The following DNAH9 variants were observed in gnomAD, a reference collection of about 807,000 sequenced individuals.
DNAH9 encodes the protein DNAH9 variant protein.
A neutral mutation model predicts 471.6 loss-of-function variants in DNAH9; 345 were observed. The observed-to-expected ratio is 0.73, with a 90% CI of 0.67 to 0.80. The LOEUF (loss-of-function observed/expected upper bound fraction) is 0.80, where lower values mean the gene tolerates loss of function less well. DNAH9 is among the 30% of genes least tolerant of loss of function. The pLI, the probability that DNAH9 is intolerant of heterozygous loss-of-function variation, is 0.00. For synonymous variants in DNAH9, 2,093 were observed against 2,123.6 expected, an observed-to-expected ratio of 0.99 and a Z score of 0.40; for missense variants, 5,407 against 5,609.2, an observed-to-expected ratio of 0.96 and a Z score of 1.15.
intron 43 of DNAH9, among the ~76,000 whole-genome samples, chr17:11,806,405 T>G (rs1969684465): frequency 6.6e-6 from 1 of 152,156 alleles, no homozygotes; most frequent in Admixed American, 6.5e-5. Context: ...GGAAGCAACA[T>G]ACATATCCAA....
Position 11,905,651 on chromosome 17 carries a change from T to C in DNAH9, c.11601-10T>C. 3 of 1,613,338 alleles carry C rather than the reference T, an allele frequency of 1.9e-6. No individual in the cohort carries two copies. Among genetic ancestry groups the C allele is most frequent in the Non-Finnish European group, 2.5e-6 (3 of 1,179,690 alleles). ...TATGTATAAATCTATATGTGCTTTT[T>C]TTCTGGCAGAGATTTTGTTGAAGAG... On this transcript the variant is annotated splice_polypyrimidine_tract_variant and intron_variant, in intron 60 of 68. Transcript: ENST00000262442.
At chr17:11,819,956 G>A (rs11654255) in intron 45 of DNAH9, among the ~76,000 whole-genome samples, 53,582 of 151,826 alleles carry the variant, frequency 0.35, 10,404 homozygotes, top group Non-Finnish European at 0.45. Context: ...TTTTTTGCAC[G>A]GTTTGGGGCC....
intron 9 of DNAH9, among the ~76,000 whole-genome samples, chr17:11,637,612 TAAGA>T (rs2073188078): frequency 1.3e-5 from 2 of 151,946 alleles, no homozygotes; most frequent in South Asian, 4.2e-4. Flanking sequence ...ATAAAATAAA[TAAGA>T]AAGAAATAAA....
intron 14 of DNAH9, among the ~76,000 whole-genome samples, chr17:11,661,168 AT>A (rs1218869091): frequency 6.7e-6 from 1 of 149,586 alleles, no homozygotes; most frequent in Admixed American, 6.6e-5. Context: ...TCATTATGAA[AT>A]TCCCTTTTTA....
intron 49 of DNAH9, among the ~76,000 whole-genome samples, chr17:11,841,789 T>C (rs9895674): frequency 0.98 from 148,467 of 152,200 alleles, 72,526 homozygotes; most frequent in Middle Eastern, 1. Flanking sequence ...AAATGAGAGG[T>C]GGGTTTGCGT....
At chr17:11,813,906 T>C (rs977153048) in intron 45 of DNAH9, among the ~76,000 whole-genome samples, 2 of 152,182 alleles carry the variant, frequency 1.3e-5, no homozygotes, top group African/African-American at 4.8e-5. Context: ...CTGGTTTAAT[T>C]AGCAAAAGAT....
At chr17:11,715,040 C>T (rs1362803649) in intron 26 of DNAH9, among the ~76,000 whole-genome samples, 8 of 152,214 alleles carry the variant, frequency 5.3e-5, no homozygotes, top group Admixed American at 3.3e-4. Flanking sequence ...GCACTGAGTG[C>T]GTGGTAATTT....
chr17:11,648,312 G>C (rs756347880), intron 12 of DNAH9, among the ~76,000 whole-genome samples: 53 of 152,298 alleles, frequency 3.5e-4, no homozygotes, highest in Non-Finnish European at 5.7e-4. Flanking sequence ...AAGGAATATA[G>C]AGAATTCATG....
At chr17:11,758,892 G>A (rs1257286993) in intron 35 of DNAH9, among the ~76,000 whole-genome samples, 1 of 152,046 alleles carries the variant, frequency 6.6e-6, no homozygotes, top group Non-Finnish European at 1.5e-5. Flanking sequence ...ATTTGTATAA[G>A]CCTTTGAAAG....
At chr17:11,656,649 G>A (rs1460303651) in intron 14 of DNAH9, among the ~76,000 whole-genome samples, 1 of 152,076 alleles carries the variant, frequency 6.6e-6, no homozygotes, top group African/African-American at 2.4e-5. Flanking sequence ...TATACATAGA[G>A]CTCAGTGAGT....
At chr17:11,825,442 G>A (rs1477554909) in intron 48 of DNAH9, among the ~76,000 whole-genome samples, 1 of 152,120 alleles carries the variant, frequency 6.6e-6, no homozygotes, top group Non-Finnish European at 1.5e-5. Context: ...AGGAAGTAAG[G>A]GATAGGAAAA....
At chr17:11,632,802 A>T in intron 8 of DNAH9, 99 bp downstream of exon 8, 1 of 592,528 alleles carries the variant, frequency 1.7e-6, no homozygotes, top group Admixed American at 2.4e-5. Context: ...TGTTCCTGCA[A>T]CTATTAATTA....
At chr17:11,747,149 A>G (rs1324768455) in intron 31 of DNAH9, among the ~76,000 whole-genome samples, 7 of 152,224 alleles carry the variant, frequency 4.6e-5, no homozygotes, top group Admixed American at 2.0e-4. Flanking sequence ...CTTGTAAGTT[A>G]TGTGTACAAA....
chr17:11,926,241 CT>C (rs946888215), intron 62 of DNAH9, among the ~76,000 whole-genome samples: 2 of 151,342 alleles, frequency 1.3e-5, no homozygotes, highest in Middle Eastern at 3.4e-3. Flanking sequence ...CACAGGCCTT[CT>C]TTTTTTTTCT....
rs2286301 is a variant in DNAH9, at chr17:11,924,051, T to G, written c.11877+110T>G. ...CTTCTCCCCATCTGTCCTTTCACACTCTTGTCCCCTTCATTTCTTCATCTT... is the reference window on the plus strand; with the variant it reads ...CTTCTCCCCATCTGTCCTTTCACACGCTTGTCCCCTTCATTTCTTCATCTT... On this transcript the variant is annotated intron_variant, in intron 62 of 68. Coordinates refer to ENST00000262442, the MANE Select transcript of DNAH9 (RefSeq NM_001372.4). 0.045 allele frequency: 64,409 copies of G among 1,420,016 alleles called. 2,594 individuals are homozygous for G. Among genetic ancestry groups the G allele is most frequent in the East Asian group, 0.22 (9,429 of 42,694 alleles). 88.0% of individuals were successfully genotyped at this position (1,420,016 alleles called of 1,614,324 possible).
intron 49 of DNAH9, among the ~76,000 whole-genome samples, chr17:11,836,084 G>A (rs1970841774): frequency 6.6e-6 from 1 of 152,212 alleles, no homozygotes; most frequent in Non-Finnish European, 1.5e-5. Context: ...ATGTGAAAAG[G>A]GGTAGCTGCC....
intron 1 of DNAH9, 117 bp downstream of exon 1, chr17:11,599,032 G>C: frequency 1.1e-6 from 1 of 870,636 alleles, no homozygotes; most frequent in Non-Finnish European, 1.6e-6. Flanking sequence ...GGAGGTCCAA[G>C]AGGCGGAGTG....
chr17:11,749,255 T>C (rs899593030), intron 32 of DNAH9, among the ~76,000 whole-genome samples: 2 of 151,702 alleles, frequency 1.3e-5, no homozygotes, highest in Admixed American at 6.6e-5. Context: ...CAGCTAATTT[T>C]TTGTATTTTT....
At chr17:11,956,953 A>C (rs1274430173) in intron 67 of DNAH9, among the ~76,000 whole-genome samples, 1 of 151,828 alleles carries the variant, frequency 6.6e-6, no homozygotes, top group Non-Finnish European at 1.5e-5. Context: ...TGAAAACAAA[A>C]AAATTATAAA....
Sources: gnomAD v4.1 joint callset for allele counts (sites outside exome capture counted in the v4.1 genomes callset) on GRCh38, gnomAD v4.1.1 for gene constraint, MANE v1.5 for transcripts, NCBI Gene and HGNC (gene_info 2026-07-23, HGNC 2026-07-21) for gene names.